The following MRAS variants were observed in gnomAD, a reference collection of about 807,000 sequenced individuals.
MRAS encodes muscle RAS oncogene homolog, also known as ras-related protein M-Ras.
Under a neutral mutation model 20.9 loss-of-function variants are expected in MRAS, and 4 were observed. The ratio of observed to expected loss-of-function variants is 0.19; its 90% CI spans 0.09 to 0.44. The LOEUF (loss-of-function observed/expected upper bound fraction) is 0.44, where lower values mean the gene tolerates loss of function less well. Among genes scored for constraint, MRAS ranks in the 20% least tolerant of loss-of-function variants. The pLI is 0.99. For synonymous variants in MRAS, 98 were observed against 102.9 expected (o/e 0.95, Z 0.29); for missense variants, 154 against 277.5 (o/e 0.56, Z 3.16).
intron 2 of MRAS, among the ~76,000 whole-genome samples, chr3:138,394,752 C>G (rs2055200950): frequency 6.6e-6 from 1 of 152,192 alleles, no homozygotes; most frequent in Non-Finnish European, 1.5e-5. Context: ...GACGCTCAGG[C>G]CAGAAACAGG....
chr3:138,392,635 T>G (rs1470662410), intron 2 of MRAS, among the ~76,000 whole-genome samples: 1 of 152,234 alleles, frequency 6.6e-6, no homozygotes, highest in Non-Finnish European at 1.5e-5. Context: ...GATCTGGCCT[T>G]GAATTCTGTT....
At chr3:138,360,487 A>G (rs963683665) in intron 1 of MRAS, among the ~76,000 whole-genome samples, 16 of 152,208 alleles carry the variant, frequency 1.1e-4, no homozygotes, top group Non-Finnish European at 1.8e-4. Context: ...AGGGCCAGTC[A>G]GGGGGCCATG....
intron 2 of MRAS, among the ~76,000 whole-genome samples, chr3:138,380,910 T>C (rs2054889211): frequency 6.6e-6 from 1 of 151,858 alleles, no homozygotes; most frequent in Non-Finnish European, 1.5e-5. Context: ...GCTGGGACTA[T>C]AGGCACGTGC....
At position 138,361,728 on chromosome 3, in the gene MRAS, C is replaced by T. The variant is rs115076118; in HGVS notation, c.-18-11138C>T. Among the ~76,000 whole-genome samples the T allele has an allele frequency of 4.2e-3, 643 of 152,262 alleles. 9 individuals are homozygous for T. Among genetic ancestry groups the T allele is most frequent in the African/African-American group, 0.015 (611 of 41,532 alleles). On this transcript the variant is annotated intron_variant, in intron 1 of 5. Coordinates refer to ENST00000423968, the MANE Select transcript of MRAS (RefSeq NM_001085049.3). ...AGGCTCTGGGGAGGCCAAGGGCGCT[C>T]AGTCTGGGGAACCCCAGAGTGTGCA...
chr3:138,362,863 A>T (rs569979154), intron 1 of MRAS, among the ~76,000 whole-genome samples: 1 of 151,304 alleles, frequency 6.6e-6, no homozygotes. Context: ...TTCCCCTGCC[A>T]CTCTTACCCC....
rs79609026 is a variant in MRAS at position 138,388,170 on chromosome 3, G to C, written c.194-9154G>C. ...AGCCCTTTTTCTAGGAACAGTGCAC[G>C]GTGAATGCATCAGCCCTTTTGCCCA... On this transcript the variant is annotated intron_variant, in intron 2 of 5. Transcript: ENST00000423968. 5.5e-3 allele frequency among the ~76,000 whole-genome samples: 830 copies of C among 152,244 alleles called. 11 individuals carry two copies. Among genetic ancestry groups the C allele is most frequent in the African/African-American group, 0.018 (732 of 41,530 alleles).
intron 1 of MRAS, among the ~76,000 whole-genome samples, chr3:138,370,090 C>T (rs1170454039): frequency 6.6e-6 from 1 of 152,138 alleles, no homozygotes; most frequent in Non-Finnish European, 1.5e-5. Flanking sequence ...GAGGCCAAGG[C>T]AGGCAGGTCA....
chr3:138,373,811 G>A (rs890197607), intron 2 of MRAS, among the ~76,000 whole-genome samples: 1 of 152,198 alleles, frequency 6.6e-6, no homozygotes, highest in Non-Finnish European at 1.5e-5. Flanking sequence ...CTGTAGATCT[G>A]TTTGAGGAGA....
intron 2 of MRAS, among the ~76,000 whole-genome samples, chr3:138,388,175 A>G (rs902739895): frequency 1.3e-5 from 2 of 152,202 alleles, no homozygotes; most frequent in Non-Finnish European, 2.9e-5. Context: ...TGCACGGTGA[A>G]TGCATCAGCC....
chr3:138,398,503 G>A lies in MRAS; in HGVS notation c.382G>A (p.Val128Ile). The change falls in exon 4 of 6, where the codon GTC (valine) becomes ATC (isoleucine). Residue 128 changes from valine (V) to isoleucine (I), a missense_variant. Physicochemically the swap from Val to Ile is conservative, Grantham distance 29. Coordinates refer to ENST00000423968, the MANE Select transcript of MRAS (RefSeq NM_001085049.3). ...SFPMILVANK[V>I]DLMHLRKITR... ...CCCGATGATCCTCGTGGCCAACAAGGTCGATTTGATGCACTTGAGGAAGAT... is the reference window on the plus strand; with the variant it reads ...CCCGATGATCCTCGTGGCCAACAAGATCGATTTGATGCACTTGAGGAAGAT... 1 of 1,614,152 alleles carries A rather than the reference G, an allele frequency of 6.2e-7. No individual in the cohort carries two copies. Among genetic ancestry groups the A allele is most frequent in the Non-Finnish European group, 8.5e-7 (1 of 1,180,024 alleles).
chr3:138,355,242 A>C (rs1037382856), intron 1 of MRAS, among the ~76,000 whole-genome samples: 1 of 152,156 alleles, frequency 6.6e-6, no homozygotes, highest in Non-Finnish European at 1.5e-5. Flanking sequence ...TCTCTCTGCC[A>C]AGCAGGAGTA....
At chr3:138,353,109 T>C (rs759586663) in intron 1 of MRAS, among the ~76,000 whole-genome samples, 1 of 152,070 alleles carries the variant, frequency 6.6e-6, no homozygotes, top group Admixed American at 6.6e-5. Flanking sequence ...GTGAGGAAGA[T>C]GATTTTAGGT....
At chr3:138,382,693 C>T (rs2054929460) in intron 2 of MRAS, among the ~76,000 whole-genome samples, 1 of 152,180 alleles carries the variant, frequency 6.6e-6, no homozygotes, top group African/African-American at 2.4e-5. Flanking sequence ...GTGGAATATG[C>T]AACTCCCTAC....
At chr3:138,372,027 C>G (rs2054684469) in intron 1 of MRAS, among the ~76,000 whole-genome samples, 1 of 152,148 alleles carries the variant, frequency 6.6e-6, no homozygotes, top group Non-Finnish European at 1.5e-5. Flanking sequence ...CAGGGTTTCT[C>G]AACCTCAGCA....
chr3:138,366,581 C>T (rs1330570175), intron 1 of MRAS, among the ~76,000 whole-genome samples: 2 of 152,174 alleles, frequency 1.3e-5, no homozygotes, highest in Non-Finnish European at 2.9e-5. Context: ...AAGGTCAGGG[C>T]CAAGGGAAGC....
chr3:138,381,604 C>G (rs1040688690), intron 2 of MRAS, among the ~76,000 whole-genome samples: 1 of 152,208 alleles, frequency 6.6e-6, no homozygotes, highest in Non-Finnish European at 1.5e-5. Context: ...CGGTGGAGAA[C>G]AGCAGTGGGC....
chr3:138,388,858 T>A (rs1224011300), intron 2 of MRAS, among the ~76,000 whole-genome samples: 2 of 152,160 alleles, frequency 1.3e-5, no homozygotes, highest in African/African-American at 4.8e-5. Context: ...TTTGTTTTTT[T>A]GAGACAGAGT....
chr3:138,370,178 G>T (rs1227924257), intron 1 of MRAS, among the ~76,000 whole-genome samples: 1 of 152,138 alleles, frequency 6.6e-6, no homozygotes, highest in Non-Finnish European at 1.5e-5. Context: ...AATTAGCCAG[G>T]CATGGTGGTG....
At chr3:138,355,406 A>G (rs1391009109) in intron 1 of MRAS, among the ~76,000 whole-genome samples, 2 of 152,210 alleles carry the variant, frequency 1.3e-5, no homozygotes, top group Admixed American at 6.5e-5. Flanking sequence ...GTAGTTTGCC[A>G]TGAGTTAGAA....
Sources: allele counts gnomAD v4.1 joint callset (sites outside exome capture counted in the v4.1 genomes callset), GRCh38; gene constraint gnomAD v4.1.1; transcripts MANE v1.5; gene names NCBI Gene and HGNC (gene_info 2026-07-23, HGNC 2026-07-21).